GSE1: variants seen among roughly 807,000 people sequenced by gnomAD.
The protein encoded by GSE1 is genetic suppressor element 1.
Under a neutral mutation model 112.6 loss-of-function variants are expected in GSE1, and 32 were observed. That is an observed-to-expected ratio of 0.28 (90% CI 0.21 to 0.38). GSE1 has a LOEUF of 0.38. Ranked by LOEUF, GSE1 falls within the 10% of genes least tolerant of loss-of-function variation. GSE1 has a pLI of 1.00. For missense variants in GSE1, 2,348 were observed against 1,699.2 expected (o/e 1.38, Z -6.71); for synonymous variants, 1,115 against 735.6 (o/e 1.52, Z -8.35).
chr16:85,630,644 G>T (rs941587783), intron 1 of GSE1, among the ~76,000 whole-genome samples: 2 of 152,188 alleles, frequency 1.3e-5, no homozygotes, highest in African/African-American at 4.8e-5. Context: ...ACAGTTCAAC[G>T]TATCTTAGCT....
chr16:85,579,233 G>T (rs369276344), intron 1 of GSE1, among the ~76,000 whole-genome samples: 1 of 152,104 alleles, frequency 6.6e-6, no homozygotes, highest in East Asian at 1.9e-4. Flanking sequence ...GGTGGGGCTT[G>T]GGGTATCAGA....
At chr16:85,453,012 T>A (rs542598488) in intron 2 of GSE1, among the ~76,000 whole-genome samples, 46 of 152,338 alleles carry the variant, frequency 3.0e-4, no homozygotes, top group African/African-American at 9.1e-4. Context: ...TTTGGTTTTC[T>A]GTCCCCGACG....
At chr16:85,386,376 C>G (rs1325709881) in intron 2 of GSE1, among the ~76,000 whole-genome samples, 1 of 152,208 alleles carries the variant, frequency 6.6e-6, no homozygotes, top group Admixed American at 6.5e-5. Context: ...GTCTCTTGCC[C>G]CATCTTACCT....
intron 1 of GSE1, among the ~76,000 whole-genome samples, chr16:85,335,692 C>T (rs1398842162): frequency 6.6e-6 from 1 of 152,208 alleles, no homozygotes; most frequent in Non-Finnish European, 1.5e-5. Flanking sequence ...GCAGCAATAA[C>T]ACTGTTGGCT....
rs541099046 is a variant in GSE1, at chr16:85,586,646, C to G, written c.37+30283C>G. On this transcript the variant is annotated intron_variant, in intron 1 of 2. Coordinates refer to the GSE1 transcript ENST00000635906. ...GGCCCGACGCCGGCCCCCGCGCCCC[C>G]CCGACTGCCGTGCTCCATGGCTTCC... 5.0e-3 allele frequency among the ~76,000 whole-genome samples: 759 copies of G among 152,352 alleles called. 15 individuals are homozygous for G. The highest frequency in any genetic ancestry group is 0.04 in the Admixed American group (613 of 15,310).
At chr16:85,504,896 G>T (rs558817036) in intron 2 of GSE1, among the ~76,000 whole-genome samples, 10 of 152,190 alleles carry the variant, frequency 6.6e-5, no homozygotes, top group African/African-American at 2.4e-4. Flanking sequence ...GCTTGTTGGT[G>T]CATGAATAAT....
intron 1 of GSE1, among the ~76,000 whole-genome samples, chr16:85,567,650 A>G (rs1233497236): frequency 6.6e-6 from 1 of 152,214 alleles, no homozygotes; most frequent in Non-Finnish European, 1.5e-5. Flanking sequence ...GGAAGGCTGT[A>G]CCACACCACA....
intron 1 of GSE1, among the ~76,000 whole-genome samples, chr16:85,615,367 C>T (rs1001821039): frequency 2.0e-5 from 3 of 152,348 alleles, no homozygotes; most frequent in East Asian, 1.9e-4. Context: ...AGAGACTTTC[C>T]GAGACAGCCA....
chr16:85,648,809 C>A, intron 3 of GSE1, 58 bp downstream of exon 3: 1 of 1,018,410 alleles, frequency 9.8e-7, no homozygotes, highest in Non-Finnish European at 1.4e-6. Context: ...TGGATTCAGG[C>A]ATCCATTGGG....
At chr16:85,191,394 C>T (rs1253065698) in intron 1 of GSE1, among the ~76,000 whole-genome samples, 3 of 152,220 alleles carry the variant, frequency 2.0e-5, no homozygotes, top group African/African-American at 7.2e-5. Flanking sequence ...ACCATCACCG[C>T]TGTCTAATCT....
At chr16:85,638,219 C>T (rs1249410580) in intron 2 of GSE1, among the ~76,000 whole-genome samples, 10 of 152,234 alleles carry the variant, frequency 6.6e-5, no homozygotes, top group Admixed American at 3.3e-4. Flanking sequence ...TCAATTCAGA[C>T]GAAGCTGTGG....
At chr16:85,289,756 A>G (rs2045150838) in intron 1 of GSE1, among the ~76,000 whole-genome samples, 1 of 152,120 alleles carries the variant, frequency 6.6e-6, no homozygotes, top group Non-Finnish European at 1.5e-5. Flanking sequence ...CAGTCGCCCG[A>G]TGAGGAACCC....
chr16:85,560,044 A>G (rs1243644756), intron 1 of GSE1, among the ~76,000 whole-genome samples: 2 of 151,988 alleles, frequency 1.3e-5, no homozygotes, highest in Admixed American at 1.3e-4. Context: ...TGTAATAATA[A>G]TAATTCTTAT....
At chr16:85,631,906 A>T (rs2049568364) in intron 1 of GSE1, among the ~76,000 whole-genome samples, 1 of 152,256 alleles carries the variant, frequency 6.6e-6, no homozygotes, top group Non-Finnish European at 1.5e-5. Context: ...AGGGAGAGGC[A>T]CTGATGGCAG....
chr16:85,469,305 G>C (rs903379601), intron 2 of GSE1, among the ~76,000 whole-genome samples: 3 of 152,094 alleles, frequency 2.0e-5, no homozygotes, highest in African/African-American at 7.2e-5. Flanking sequence ...CCTTATGAGA[G>C]ACAGAAGAGG....
chr16:85,639,411 G>A (rs1383666390), intron 2 of GSE1, among the ~76,000 whole-genome samples: 4 of 152,218 alleles, frequency 2.6e-5, no homozygotes, highest in South Asian at 4.1e-4. Context: ...CAGCCTAGGA[G>A]TCCCAAGACT....
intron 2 of GSE1, among the ~76,000 whole-genome samples, chr16:85,436,608 C>T (rs935005146): frequency 6.6e-6 from 1 of 152,212 alleles, no homozygotes; most frequent in African/African-American, 2.4e-5. Context: ...CTCGGTAGCC[C>T]CAGTGGGGTT....
intron 2 of GSE1, among the ~76,000 whole-genome samples, chr16:85,367,496 A>T (rs1300210617): frequency 6.6e-6 from 1 of 152,230 alleles, no homozygotes; most frequent in Non-Finnish European, 1.5e-5. Context: ...TAAAGGAGTG[A>T]TGCCGGGTGG....
At chr16:85,344,794 C>G (rs1193047066) in intron 1 of GSE1, among the ~76,000 whole-genome samples, 8 of 152,350 alleles carry the variant, frequency 5.3e-5, no homozygotes, top group African/African-American at 1.7e-4. Flanking sequence ...CAGCAGGATG[C>G]AGCTTCCCAG....
Sources: gnomAD v4.1 joint callset for allele counts (sites outside exome capture counted in the v4.1 genomes callset) on GRCh38, gnomAD v4.1.1 for gene constraint, MANE v1.5 for transcripts, NCBI Gene and HGNC (gene_info 2026-07-23, HGNC 2026-07-21) for gene names.